The following TBC1D16 variants were observed in gnomAD, a reference collection of about 807,000 sequenced individuals.
TBC1D16 encodes CTD-2529O21.1.
In TBC1D16, 58 loss-of-function variants were observed where a neutral mutation model predicts 74.7. The observed-to-expected ratio is 0.78, with a 90% CI of 0.63 to 0.97. The LOEUF (loss-of-function observed/expected upper bound fraction) is 0.97, where lower values mean the gene tolerates loss of function less well. Ranked by LOEUF, TBC1D16 falls within the 50% of genes least tolerant of loss-of-function variation. The pLI is 0.00. For synonymous variants in TBC1D16, 493 were observed against 474.7 expected (o/e 1.04, Z -0.50); for missense variants, 1,014 against 1,079.5 (o/e 0.94, Z 0.85).
chr17:79,996,111 C>G (rs948887231), intron 3 of TBC1D16, among the ~76,000 whole-genome samples: 1 of 152,112 alleles, frequency 6.6e-6, no homozygotes, highest in African/African-American at 2.4e-5. Flanking sequence ...TGCAGTGAAT[C>G]GTTTGTATAC....
intron 3 of TBC1D16, among the ~76,000 whole-genome samples, chr17:79,984,080 T>G (rs1598387643): frequency 1.4e-5 from 2 of 139,172 alleles, no homozygotes; most frequent in Admixed American, 7.1e-5. Context: ...GGGGCGGGGG[T>G]CTCATTTGTT....
chr17:80,013,609 C>T lies in TBC1D16; in HGVS notation c.-62G>A. 7.0e-7 allele frequency: 1 copy of T among 1,431,878 alleles called. No homozygotes were observed. The highest frequency in any genetic ancestry group is 1.4e-5 in the African/African-American group (1 of 69,304). 88.7% of individuals were successfully genotyped at this position (1,431,878 alleles called of 1,614,324 possible). The stretch of plus-strand genomic sequence containing the variant: ...CCCGGGCAGGGCTCGTCAAGACCTG[C>T]CTGGGGGAGGAAGAGAGAGGAGATG... On this transcript the variant is annotated splice_region_variant and 5_prime_UTR_variant, in exon 2 of 12. Transcript: ENST00000310924.
chr17:79,938,536 C>A lies in TBC1D16; in HGVS notation c.*2323G>T, dbSNP rs1357348141. 1 of 152,274 alleles carries A rather than the reference C, an allele frequency of 6.6e-6. No homozygotes were observed. 9.4% of individuals were successfully genotyped at this position (152,274 alleles called of 1,614,324 possible). A position where few individuals can be genotyped will look rare whatever the true frequency, so the allele number is the denominator to read the frequency against. The stretch of plus-strand genomic sequence containing the variant: ...TCCCAAACACAGCGGTTCAAAGGCA[C>A]GAGGTATCTAGTGAAATGCTAGGAC... On this transcript the variant is annotated 3_prime_UTR_variant, in exon 12 of 12. Transcript: ENST00000310924.
rs1322795122 is a variant in TBC1D16, at chr17:79,988,084, A to G, written c.779+22076T>C. Among the ~76,000 whole-genome samples the G allele has an allele frequency of 6.6e-6, 1 of 152,148 alleles. No individual in the cohort carries two copies. Among genetic ancestry groups the G allele is most frequent in the Non-Finnish European group, 1.5e-5 (1 of 68,008 alleles). ...CTTCTGATTCAAACGAAATACTTCT[A>G]AGTTCTTCTCTGTGAAAGCGTGTGT... On this transcript the variant is annotated intron_variant, in intron 3 of 11. Coordinates refer to ENST00000310924, the MANE Select transcript of TBC1D16 (RefSeq NM_019020.4). The surrounding 1 kb of genome is among the most constrained non-coding windows in gnomAD (Gnocchi z 5.7).
In TBC1D16 at chr17:80,035,004, A is replaced by G. The variant is rs1176364745; in HGVS notation, c.-63+791T>C. On this transcript the variant is annotated intron_variant, in intron 1 of 11. Transcript: ENST00000310924. This position sits in a 1 kb window ranked among gnomAD's most constrained non-coding sequence, Gnocchi z 5.3. ...TTGAACTTGACCCAGACAGTAAAAC[A>G]AACTTTACCATAAGGCGAGACTAAC... Among the ~76,000 whole-genome samples the G allele has an allele frequency of 3.3e-5, 5 of 152,362 alleles. No homozygotes were observed. In the East Asian group the frequency reaches 7.7e-4, roughly 23 times the overall value.
Position 80,007,378 on chromosome 17 carries a change from G to A in TBC1D16, c.779+2782C>T, listed in dbSNP as rs909303693. Among the ~76,000 whole-genome samples the A allele has an allele frequency of 6.6e-6, 1 of 152,214 alleles. No homozygotes were observed. Among genetic ancestry groups the A allele is most frequent in the South Asian group, 2.1e-4 (1 of 4,828 alleles). ...GGGTTCTTGGCCGCACTTCACACCC[G>A]TGAGGCATCTGCGTTTTGGATGTGG... On this transcript the variant is annotated intron_variant, in intron 3 of 11. Transcript: ENST00000310924. This position sits in a 1 kb window ranked among gnomAD's most constrained non-coding sequence, Gnocchi z 4.5.
rs2031728694 is a variant in TBC1D16, at chr17:79,937,983, G to A, written c.*2876C>T. The A allele has an allele frequency of 6.6e-6, 1 of 152,244 alleles. No individual in the cohort carries two copies. Among genetic ancestry groups the A allele is most frequent in the South Asian group, 2.1e-4 (1 of 4,836 alleles). The allele number at this position is 152,244 out of a possible 1,614,324, so 9.4% of individuals were successfully genotyped here. A position where few individuals can be genotyped will look rare whatever the true frequency, so the allele number is the denominator to read the frequency against. ...AACATTAAGTGTCATTTTAAAAAAT[G>A]GGTTAAATAAGCAGCATTGCTGAGG... On this transcript the variant is annotated 3_prime_UTR_variant, in exon 12 of 12. Coordinates refer to ENST00000310924, the MANE Select transcript of TBC1D16 (RefSeq NM_019020.4).
At chr17:79,949,902 T>A (rs1252298027) in intron 6 of TBC1D16, 37 bp from the exon 7 acceptor site, 3 of 1,600,868 alleles carry the variant, frequency 1.9e-6, no homozygotes, top group Non-Finnish European at 2.6e-6. Flanking sequence ...GGGGATAAAA[T>A]GGGGCAGCTC....
In TBC1D16 at chr17:79,961,903, G is replaced by T. The variant is rs1171020227; in HGVS notation, c.780-9085C>A. Among the ~76,000 whole-genome samples the T allele has an allele frequency of 6.6e-6, 1 of 151,948 alleles. No individual in the cohort carries two copies. Among genetic ancestry groups the T allele is most frequent in the African/African-American group, 2.4e-5 (1 of 41,396 alleles). On this transcript the variant is annotated intron_variant, in intron 3 of 11. Coordinates refer to ENST00000310924, the MANE Select transcript of TBC1D16 (RefSeq NM_019020.4). The surrounding 1 kb of genome is among the most constrained non-coding windows in gnomAD (Gnocchi z 4.8). ...AAAAATAATAAAATAAAATAGATAA[G>T]AACTGAAAACAACCCAGGGTTTATC... is the stretch of plus-strand genomic sequence containing the variant.
intron 3 of TBC1D16, among the ~76,000 whole-genome samples, chr17:80,005,263 T>C (rs2035632546): frequency 6.6e-6 from 1 of 152,148 alleles, no homozygotes; most frequent in African/African-American, 2.4e-5. Flanking sequence ...TTTTTTCTTT[T>C]TGGTAGAGAC....
chr17:80,017,636 G>A (rs1258959690), intron 1 of TBC1D16, among the ~76,000 whole-genome samples: 5 of 137,444 alleles, frequency 3.6e-5, no homozygotes, highest in South Asian at 4.5e-4. Context: ...AGCCTAGATC[G>A]CTCCATTGCA....
chr17:79,945,863 G>A (rs887324722), intron 9 of TBC1D16, among the ~76,000 whole-genome samples: 1 of 152,230 alleles, frequency 6.6e-6, no homozygotes, highest in Non-Finnish European at 1.5e-5. Flanking sequence ...GATCACAGCT[G>A]GGGGGATCCT....
chr17:79,947,354 T>A (rs1425578959), intron 9 of TBC1D16, among the ~76,000 whole-genome samples: 1 of 152,122 alleles, frequency 6.6e-6, no homozygotes, highest in Non-Finnish European at 1.5e-5. Context: ...TGCCACGTCT[T>A]CCTTGCCAGC....
In TBC1D16 at chr17:79,956,365, A is replaced by G. The variant is rs552033039; in HGVS notation, c.780-3547T>C. ...GCCTCCGGGGCTCAAGCGATCCTCC[A>G]GCCTCAGTCTCCCAAGTAGCTGGGA... On this transcript the variant is annotated intron_variant, in intron 3 of 11. Coordinates refer to ENST00000310924, the MANE Select transcript of TBC1D16 (RefSeq NM_019020.4). This position sits in a 1 kb window ranked among gnomAD's most constrained non-coding sequence, Gnocchi z 4.0. Among the ~76,000 whole-genome samples, 4 of 152,288 alleles carry G rather than the reference A, an allele frequency of 2.6e-5. No individual in the cohort carries two copies. Among genetic ancestry groups the G allele is most frequent in the East Asian group, 1.9e-4 (1 of 5,186 alleles).
chr17:79,999,946 C>T (rs1037971729), intron 3 of TBC1D16, among the ~76,000 whole-genome samples: 2 of 152,126 alleles, frequency 1.3e-5, no homozygotes, highest in African/African-American at 4.8e-5. Flanking sequence ...GGACTCCTGA[C>T]CAGACTCACT....
At position 80,010,802 on chromosome 17, in the gene TBC1D16, T is replaced by C; in HGVS notation, c.182-45A>G. The C allele has an allele frequency of 7.2e-7, 1 of 1,387,190 alleles. No individual in the cohort carries two copies. The highest frequency in any genetic ancestry group is 9.5e-7 in the Non-Finnish European group (1 of 1,048,282). The allele number at this position is 1,387,190 out of a possible 1,614,324, so 85.9% of individuals were successfully genotyped here. On this transcript the variant is annotated intron_variant, in intron 2 of 11. Transcript: ENST00000310924. This position sits in a 1 kb window ranked among gnomAD's most constrained non-coding sequence, Gnocchi z 8.8. ...TGGCACGTTAGAGGCCAGGAGGCTG[T>C]GGATGAGGCCCTTGTGGTACCTTTG...
intron 1 of TBC1D16, among the ~76,000 whole-genome samples, chr17:80,034,244 C>T (rs371773332): frequency 7.4e-5 from 10 of 134,430 alleles, no homozygotes; most frequent in South Asian, 2.3e-4. Flanking sequence ...CTCTATCACC[C>T]GGGCTGGGGT....
intron 1 of TBC1D16, among the ~76,000 whole-genome samples, chr17:80,018,209 A>G (rs2036159210): frequency 6.7e-6 from 1 of 149,426 alleles, no homozygotes; most frequent in South Asian, 2.1e-4. Flanking sequence ...AATTAATTTT[A>G]ATAATTTTTA....
rs933275822 is a variant in TBC1D16 at position 79,936,053 on chromosome 17, C to T, written c.*4806G>A. 6.6e-6 allele frequency: 1 copy of T among 152,210 alleles called. No homozygotes were observed. Among genetic ancestry groups the T allele is most frequent in the Non-Finnish European group, 1.5e-5 (1 of 68,052 alleles). The allele number at this position is 152,210 out of a possible 1,614,324, so 9.4% of individuals were successfully genotyped here. On this transcript the variant is annotated 3_prime_UTR_variant, in exon 12 of 12. Coordinates refer to ENST00000310924, the MANE Select transcript of TBC1D16 (RefSeq NM_019020.4). The stretch of plus-strand genomic sequence containing the variant: ...CTCTCCTGGTTCTAATGCTCAGACC[C>T]AGGAGGCAGAGTCCGCAGCCCGAGG...
Sources: allele counts gnomAD v4.1 joint callset (sites outside exome capture counted in the v4.1 genomes callset), GRCh38; gene constraint gnomAD v4.1.1; non-coding constraint Gnocchi (gnomAD v3.1); transcripts MANE v1.5; gene names NCBI Gene and HGNC (gene_info 2026-07-23, HGNC 2026-07-21).